The following GNL1 variants were observed in gnomAD, a reference collection of about 807,000 sequenced individuals.
The protein encoded by GNL1 is G protein nucleolar 1.
In GNL1, 21 loss-of-function variants were observed where a neutral mutation model predicts 75.2. That is an observed-to-expected ratio of 0.28 (90% CI 0.20 to 0.40). The LOEUF is 0.40. GNL1 is among the 10% of genes least tolerant of loss of function. GNL1 has a pLI of 1.00. For synonymous variants in GNL1, 287 were observed against 303.4 expected (o/e 0.95, Z 0.56); for missense variants, 579 against 775.0 (o/e 0.75, Z 3.00).
At chr6:30,553,691 CCAGA>C (rs1224591671) in intron 5 of GNL1, 134 bp from the exon 6 acceptor site, 25 of 648,626 alleles carry the variant, frequency 3.9e-5, no homozygotes. Context: ...AAACTATAAA[CCAGA>C]CAAACTGAAA....
rs1236451709 is a variant in GNL1 at position 30,545,179 on chromosome 6, TG to T, written c.*892del. ...GAGGCTGGTTCTGTGCCCGCCCCTATGTACCTCAAATACTCGTAGCTGCCAA... is the reference window on the plus strand; with the variant it reads ...GAGGCTGGTTCTGTGCCCGCCCCTATTACCTCAAATACTCGTAGCTGCCAA... On this transcript the variant is annotated 3_prime_UTR_variant, in exon 12 of 12. Coordinates refer to ENST00000376621, the MANE Select transcript of GNL1 (RefSeq NM_005275.5). The T allele has an allele frequency of 2.6e-5, 4 of 152,252 alleles. No homozygotes were observed. Among genetic ancestry groups the T allele is most frequent in the African/African-American group, 7.2e-5 (3 of 41,458 alleles). The allele number at this position is 152,252 out of a possible 1,614,324, so 9.4% of individuals were successfully genotyped here. A position where few individuals can be genotyped will look rare whatever the true frequency, so the allele number is the denominator to read the frequency against.
At position 30,555,322 on chromosome 6, in the gene GNL1, C is replaced by T. The variant is rs1800078897; in HGVS notation, c.240-131G>A. ...TTCAAGTCTCCTCTCTCAAGTCAGA[C>T]TTCCCCCAAGTCCTTCTTTCAGGCA... On this transcript the variant is annotated intron_variant, in intron 2 of 11. Transcript: ENST00000376621. This position sits in a 1 kb window ranked among gnomAD's most constrained non-coding sequence, Gnocchi z 4.3. 1 of 1,149,042 alleles carries T rather than the reference C, an allele frequency of 8.7e-7. No individual in the cohort carries two copies. Among genetic ancestry groups the T allele is most frequent in the East Asian group, 2.4e-5 (1 of 42,424 alleles). The allele number at this position is 1,149,042 out of a possible 1,614,324, so 71.2% of individuals were successfully genotyped here. A position where few individuals can be genotyped will look rare whatever the true frequency, so the allele number is the denominator to read the frequency against.
rs762035615 is a variant in GNL1 at position 30,555,078 on chromosome 6, C to T, written c.353G>A (p.Arg118Gln). The change falls in exon 3 of 12, where the codon CGG (arginine) becomes CAG (glutamine). Residue 118 changes from arginine to glutamine, a missense_variant. Coordinates refer to ENST00000376621, the MANE Select transcript of GNL1 (RefSeq NM_005275.5). This position sits in a 1 kb window ranked among gnomAD's most constrained non-coding sequence, Gnocchi z 4.3. The stretch of plus-strand genomic sequence containing the variant: ...ACCTGAGCCAGGCTGATACACCTCC[C>T]GGATGTCCAGCTCCAACAACTCAGC... ...VSAELLELDIREVYQPGSVLD... is the reference protein window; with the variant it reads ...VSAELLELDIQEVYQPGSVLD... 1.2e-4 allele frequency: 193 copies of T among 1,612,898 alleles called. No homozygotes were observed. Among genetic ancestry groups the T allele is most frequent in the Non-Finnish European group, 1.6e-4 (187 of 1,180,024 alleles).
In GNL1 at chr6:30,555,977, A is replaced by AG. The variant is rs557303752; in HGVS notation, c.73+153dup. 197 of 964,918 alleles carry AG rather than the reference A, an allele frequency of 2.0e-4. 1 individual carries two copies. Among genetic ancestry groups the AG allele is most frequent in the African/African-American group, 2.0e-3 (126 of 62,486 alleles). 59.8% of individuals were successfully genotyped at this position (964,918 alleles called of 1,614,324 possible). On this transcript the variant is annotated intron_variant, in intron 1 of 11. Coordinates refer to ENST00000376621, the MANE Select transcript of GNL1 (RefSeq NM_005275.5). This position sits in a 1 kb window ranked among gnomAD's most constrained non-coding sequence, Gnocchi z 4.3. ...ATCCTTCCCCACCCCTTCCAGATGTAGGGGGGGTGGGGGATCCCCTCCGCG... is the reference window on the plus strand; with the variant it reads ...ATCCTTCCCCACCCCTTCCAGATGTAGGGGGGGGTGGGGGATCCCCTCCGCG...
chr6:30,550,736 T>C (rs1799725568), intron 8 of GNL1, among the ~76,000 whole-genome samples: 1 of 152,204 alleles, frequency 6.6e-6, no homozygotes, highest in African/African-American at 2.4e-5. Flanking sequence ...GGGCTCTACA[T>C]GATGTGGGCC....
At position 30,556,114 on chromosome 6, in the gene GNL1, C is replaced by T. The variant is rs758233646; in HGVS notation, c.73+17G>A. The stretch of plus-strand genomic sequence containing the variant: ...GGAAGCCCGAGCCCCGCCCCCTCCT[C>T]CCGCTCCCGCACTGACCTCTCTTCC... On this transcript the variant is annotated intron_variant, in intron 1 of 11. Coordinates refer to ENST00000376621, the MANE Select transcript of GNL1 (RefSeq NM_005275.5). This position sits in a 1 kb window ranked among gnomAD's most constrained non-coding sequence, Gnocchi z 5.7. The T allele has an allele frequency of 6.3e-7, 1 of 1,598,900 alleles. No individual in the cohort carries two copies. The highest frequency in any genetic ancestry group is 8.5e-7 in the Non-Finnish European group (1 of 1,176,222).
rs748685725 is a variant in GNL1 at position 30,552,673 on chromosome 6, A to T, written c.905-12T>A. 23 of 1,609,824 alleles carry T rather than the reference A, an allele frequency of 1.4e-5. No homozygotes were observed. The highest frequency in any genetic ancestry group is 1.5e-5 in the Non-Finnish European group (18 of 1,177,496). On this transcript the variant is annotated splice_polypyrimidine_tract_variant and intron_variant, in intron 7 of 11. Transcript: ENST00000376621. This position sits in a 1 kb window ranked among gnomAD's most constrained non-coding sequence, Gnocchi z 4.5. ...GCTGCTCAAGTCCACTGCTCAAAGA[A>T]GGAGAAGATTAAAGAGGTTCTCCCC...
Position 30,542,036 on chromosome 6 carries a change from A to G in GNL1, c.*4036T>C, listed in dbSNP as rs1281102689. ...ACACTCCAAACTAAAAAAGTTCCTC[A>G]ACTGCATATACTCTGCTCCCTCCAT... On this transcript the variant is annotated 3_prime_UTR_variant, in exon 12 of 12. Coordinates refer to ENST00000376621, the MANE Select transcript of GNL1 (RefSeq NM_005275.5). The surrounding 1 kb of genome is among the most constrained non-coding windows in gnomAD (Gnocchi z 4.5). The G allele has an allele frequency of 6.6e-6, 1 of 152,102 alleles. No homozygotes were observed. Among genetic ancestry groups the G allele is most frequent in the Non-Finnish European group, 1.5e-5 (1 of 68,002 alleles). The allele number at this position is 152,102 out of a possible 1,614,324, so 9.4% of individuals were successfully genotyped here. A position where few individuals can be genotyped will look rare whatever the true frequency, so the allele number is the denominator to read the frequency against.
rs539179426 is a variant in GNL1, at chr6:30,543,514, T to G, written c.*2558A>C. 1 of 152,314 alleles carries G rather than the reference T, an allele frequency of 6.6e-6. No homozygotes were observed. The highest frequency in any genetic ancestry group is 2.1e-4 in the South Asian group (1 of 4,826). 9.4% of individuals were successfully genotyped at this position (152,314 alleles called of 1,614,324 possible). A position where few individuals can be genotyped will look rare whatever the true frequency, so the allele number is the denominator to read the frequency against. On this transcript the variant is annotated 3_prime_UTR_variant, in exon 12 of 12. Coordinates refer to ENST00000376621, the MANE Select transcript of GNL1 (RefSeq NM_005275.5). ...GATAATTATAGTACTAACCATCTTA[T>G]TTAGTTATGACAGTTCAATAGAAAC... is the stretch of plus-strand genomic sequence containing the variant.
rs1292767286 is a variant in GNL1, at chr6:30,555,230, T to A, written c.240-39A>T. 3 of 1,612,338 alleles carry A rather than the reference T, an allele frequency of 1.9e-6. No homozygotes were observed. Among genetic ancestry groups the A allele is most frequent in the Non-Finnish European group, 2.5e-6 (3 of 1,179,610 alleles). ...GACCGAGACATCCAGAGCAATCCTG[T>A]GGCCACAAACTCCTATTTTCTCCCC... On this transcript the variant is annotated intron_variant, in intron 2 of 11. Transcript: ENST00000376621. This position sits in a 1 kb window ranked among gnomAD's most constrained non-coding sequence, Gnocchi z 4.3.
rs1799175795 is a variant in GNL1 at position 30,541,703 on chromosome 6, A to C, written c.*4369T>G. ...CAACGGCTGTTGCGATCTCTTAATT[A>C]GCTTGAACTGAGTTTGTATTAGAAT... On this transcript the variant is annotated 3_prime_UTR_variant, in exon 12 of 12. Coordinates refer to ENST00000376621, the MANE Select transcript of GNL1 (RefSeq NM_005275.5). The C allele has an allele frequency of 6.6e-6, 1 of 152,244 alleles. No individual in the cohort carries two copies. The highest frequency in any genetic ancestry group is 2.4e-5 in the African/African-American group (1 of 41,458). 9.4% of individuals were successfully genotyped at this position (152,244 alleles called of 1,614,324 possible). A position where few individuals can be genotyped will look rare whatever the true frequency, so the allele number is the denominator to read the frequency against.
rs1351267040 is a variant in GNL1 at position 30,543,634 on chromosome 6, G to C, written c.*2438C>G. Reference sequence around the variant, plus strand: ...TCCTACCCTCTATTGCTTGAGAGTAGGATATTGCCTTATTCAATTTTGGTT... The same window carrying C: ...TCCTACCCTCTATTGCTTGAGAGTACGATATTGCCTTATTCAATTTTGGTT... On this transcript the variant is annotated 3_prime_UTR_variant, in exon 12 of 12. Coordinates refer to ENST00000376621, the MANE Select transcript of GNL1 (RefSeq NM_005275.5). The C allele has an allele frequency of 6.6e-6, 1 of 152,074 alleles. No individual in the cohort carries two copies. The highest frequency in any genetic ancestry group is 1.5e-5 in the Non-Finnish European group (1 of 68,024). The allele number at this position is 152,074 out of a possible 1,614,324, so 9.4% of individuals were successfully genotyped here. A position where few individuals can be genotyped will look rare whatever the true frequency, so the allele number is the denominator to read the frequency against.
chr6:30,551,980 A>G lies in GNL1; in HGVS notation c.1099+487T>C, dbSNP rs191135190. Among the ~76,000 whole-genome samples the G allele has an allele frequency of 5.8e-3, 878 of 152,182 alleles. 8 individuals carry two copies. The highest frequency in any genetic ancestry group is 9.6e-3 in the Non-Finnish European group (653 of 68,012). ...TGGGCTCAAGTGATCCTCCTGCCTC[A>G]GCCTCTGAAGTAGCAGAGACTACAG... is the stretch of plus-strand genomic sequence containing the variant. On this transcript the variant is annotated intron_variant, in intron 8 of 11. Transcript: ENST00000376621.
In GNL1 at chr6:30,543,586, GTATTA is replaced by G. The variant is rs1226668962; in HGVS notation, c.*2481_*2485del. On this transcript the variant is annotated 3_prime_UTR_variant, in exon 12 of 12. Transcript: ENST00000376621. ...GTTTACATACTGCTATAGAGCTATT[GTATTA>G]TATTATTATTATTCTATTCCTACCC... 3 of 152,122 alleles carry G rather than the reference GTATTA, an allele frequency of 2.0e-5. No homozygotes were observed. Among genetic ancestry groups the G allele is most frequent in the Non-Finnish European group, 2.9e-5 (2 of 68,022 alleles). The allele number at this position is 152,122 out of a possible 1,614,324, so 9.4% of individuals were successfully genotyped here. A position where few individuals can be genotyped will look rare whatever the true frequency, so the allele number is the denominator to read the frequency against.
At position 30,555,630 on chromosome 6, in the gene GNL1, G is replaced by C. The variant is rs1012901291; in HGVS notation, c.164C>G (p.Ser55Cys). 3 of 1,613,942 alleles carry C rather than the reference G, an allele frequency of 1.9e-6. No homozygotes were observed. The highest frequency in any genetic ancestry group is 2.7e-5 in the African/African-American group (2 of 74,936). Residue 55 changes from serine (S) to cysteine (C), a missense_variant, in exon 2 of 12, where the codon TCT (serine) becomes TGT (cysteine). Coordinates refer to ENST00000376621, the MANE Select transcript of GNL1 (RefSeq NM_005275.5). The surrounding 1 kb of genome is among the most constrained non-coding windows in gnomAD (Gnocchi z 4.3). ...AAGCCTGCGGATATGATGGGTCACA[G>C]ACTCCCCGTCCGAGGTGTCGGTCTG... ...EEQTDTSDGESVTHHIRRLNQ... is the reference protein window; with the variant it reads ...EEQTDTSDGECVTHHIRRLNQ...
rs1008043816 is a variant in GNL1 at position 30,555,431 on chromosome 6, T to C, written c.239+124A>G. On this transcript the variant is annotated intron_variant, in intron 2 of 11. Transcript: ENST00000376621. The surrounding 1 kb of genome is among the most constrained non-coding windows in gnomAD (Gnocchi z 4.3). Reference sequence around the variant, plus strand: ...CTGTGGCCCGCTGTGGGGAGCCGAGTGGCTAGCGGAGAACTGTGGCATCCC... The same window carrying C: ...CTGTGGCCCGCTGTGGGGAGCCGAGCGGCTAGCGGAGAACTGTGGCATCCC... 5 of 1,043,896 alleles carry C rather than the reference T, an allele frequency of 4.8e-6. No homozygotes were observed. The highest frequency in any genetic ancestry group is 2.4e-5 in the East Asian group (1 of 41,972). 64.7% of individuals were successfully genotyped at this position (1,043,896 alleles called of 1,614,324 possible). A position where few individuals can be genotyped will look rare whatever the true frequency, so the allele number is the denominator to read the frequency against.
At chr6:30,550,597 C>T (rs1484860075) in intron 8 of GNL1, among the ~76,000 whole-genome samples, 2 of 152,142 alleles carry the variant, frequency 1.3e-5, no homozygotes. Flanking sequence ...CACCCCCCAT[C>T]ATTTATTCTC....
In GNL1 at chr6:30,555,388, C is replaced by A. The variant is rs968309729; in HGVS notation, c.239+167G>T. On this transcript the variant is annotated intron_variant, in intron 2 of 11. Coordinates refer to ENST00000376621, the MANE Select transcript of GNL1 (RefSeq NM_005275.5). This position sits in a 1 kb window ranked among gnomAD's most constrained non-coding sequence, Gnocchi z 4.3. Reference sequence around the variant, plus strand: ...CTTCTAAAAGCCCAACTCTCTCCAGCCCCTCTGGAAAGGAAGACTGTGGCC... The same window carrying A: ...CTTCTAAAAGCCCAACTCTCTCCAGACCCTCTGGAAAGGAAGACTGTGGCC... Among the ~76,000 whole-genome samples the A allele has an allele frequency of 6.6e-6, 1 of 152,250 alleles. No individual in the cohort carries two copies. Among genetic ancestry groups the A allele is most frequent in the Non-Finnish European group, 1.5e-5 (1 of 68,046 alleles).
chr6:30,547,209 G>T lies in GNL1; in HGVS notation c.1344C>A (p.Ala448=), dbSNP rs766820279. 5 of 1,613,426 alleles carry T rather than the reference G, an allele frequency of 3.1e-6. No homozygotes were observed. In the South Asian group the frequency reaches 5.5e-5, roughly 18 times the overall value. ...QEPYTAVGYL[A]SRIPVQALLH... is the part of the protein sequence containing the mutation. ...GCAGGGCCTGCACGGGAATTCGGGA[G>T]GCCAGGTAGCCCACAGCAGTGTAGG... The change falls in exon 10 of 12, where the codon GCC becomes GCA. Residue 448 remains alanine, a synonymous_variant. Coordinates refer to ENST00000376621, the MANE Select transcript of GNL1 (RefSeq NM_005275.5). The surrounding 1 kb of genome is among the most constrained non-coding windows in gnomAD (Gnocchi z 5.5).
Sources: gnomAD v4.1 joint callset for allele counts (sites outside exome capture counted in the v4.1 genomes callset) on GRCh38, gnomAD v4.1.1 for gene constraint, Gnocchi (gnomAD v3.1) non-coding constraint, MANE v1.5 for transcripts, NCBI Gene and HGNC (gene_info 2026-07-23, HGNC 2026-07-21) for gene names.